The following TRPC4AP variants were observed in gnomAD, a reference collection of about 807,000 sequenced individuals.
TRPC4AP encodes short transient receptor potential channel 4-associated protein.
Under a neutral mutation model 99.0 loss-of-function variants are expected in TRPC4AP, and 45 were observed. That is an observed-to-expected ratio of 0.45 (90% confidence interval 0.36 to 0.58). TRPC4AP has a LOEUF of 0.58. TRPC4AP is among the 20% of genes least tolerant of loss of function. The pLI, the probability that TRPC4AP is intolerant of heterozygous loss-of-function variation, is 0.00. For missense variants in TRPC4AP, 879 were observed against 985.3 expected (o/e 0.89, Z 1.44); for synonymous variants, 408 against 385.8 (o/e 1.06, Z -0.67).
At chr20:35,024,854 A>AAAAAAAAAAAAAAAAATCAT in intron 8 of TRPC4AP, among the ~76,000 whole-genome samples, 1 of 89,480 alleles carries the variant, frequency 1.1e-5, no homozygotes, top group Non-Finnish European at 2.3e-5. Flanking sequence ...AAAAAAAAAA[A>AAAAAAAAAAAAAAAAATCAT]ATTCTGTTTA....
intron 13 of TRPC4AP, among the ~76,000 whole-genome samples, chr20:35,008,049 T>C (rs141019632): frequency 1.2e-4 from 19 of 152,332 alleles, no homozygotes; most frequent in Non-Finnish European, 1.6e-4. Context: ...GACGATGGGC[T>C]GGCCTAGGGA....
intron 9 of TRPC4AP, among the ~76,000 whole-genome samples, chr20:35,018,317 G>A (rs969298238): frequency 1.3e-5 from 2 of 152,108 alleles, no homozygotes; most frequent in South Asian, 2.1e-4. Context: ...CTTCTCGGCC[G>A]GGCATGGTGG....
At chr20:35,061,245 G>A (rs1161930725) in intron 3 of TRPC4AP, among the ~76,000 whole-genome samples, 1 of 152,056 alleles carries the variant, frequency 6.6e-6, no homozygotes, top group Non-Finnish European at 1.5e-5. Flanking sequence ...CCATTTAAAG[G>A]AGCATCAAAA....
At chr20:35,024,623 A>G (rs1057391002) in intron 8 of TRPC4AP, among the ~76,000 whole-genome samples, 1 of 152,036 alleles carries the variant, frequency 6.6e-6, no homozygotes, top group African/African-American at 2.4e-5. Context: ...CAGGAGTTTG[A>G]GACCAGCTTG....
At chr20:35,005,955 T>A (rs2082507778) in intron 15 of TRPC4AP, 152 bp from the exon 16 acceptor site, 4 of 640,624 alleles carry the variant, frequency 6.2e-6, no homozygotes. Flanking sequence ...CTGAGGGACC[T>A]CCCCTCACCA....
intron 11 of TRPC4AP, among the ~76,000 whole-genome samples, chr20:35,011,742 T>C (rs968604479): frequency 2.0e-5 from 3 of 152,226 alleles, no homozygotes; most frequent in African/African-American, 7.2e-5. Flanking sequence ...CAGGGGCTTC[T>C]GGCTAGAACA....
chr20:35,003,245 C>T lies in TRPC4AP; in HGVS notation c.2295G>A (p.Val765=). 1 of 1,614,222 alleles carries T rather than the reference C, an allele frequency of 6.2e-7. No individual in the cohort carries two copies. Among genetic ancestry groups the T allele is most frequent in the South Asian group, 1.1e-5 (1 of 91,092 alleles). Residue 765 remains valine (V), a synonymous_variant, in exon 19 of 19, where the codon GTG becomes GTA. Transcript: ENST00000252015. ...CISFSYWKET[V]SILLNPDRQS... Reference sequence around the variant, plus strand: ...GCCGGTCCGGGTTCAACAGGATGGACACTGTCTCCTTCCAGTATGAGAAGC... The same window carrying T: ...GCCGGTCCGGGTTCAACAGGATGGATACTGTCTCCTTCCAGTATGAGAAGC...
intron 11 of TRPC4AP, among the ~76,000 whole-genome samples, chr20:35,011,074 C>T (rs1385979406): frequency 6.6e-6 from 1 of 152,114 alleles, no homozygotes; most frequent in Non-Finnish European, 1.5e-5. Flanking sequence ...GCCTGGCCAA[C>T]GTGGCGAAAC....
At chr20:35,072,307 T>C (rs1028438283) in intron 2 of TRPC4AP, among the ~76,000 whole-genome samples, 1 of 152,246 alleles carries the variant, frequency 6.6e-6, no homozygotes, top group Non-Finnish European at 1.5e-5. Flanking sequence ...TTGCCAATTC[T>C]GGCTTTTGTT....
intron 16 of TRPC4AP, among the ~76,000 whole-genome samples, chr20:35,004,981 G>C (rs115352129): frequency 6.6e-6 from 1 of 152,186 alleles, no homozygotes; most frequent in African/African-American, 2.4e-5. Flanking sequence ...TTCCACACCA[G>C]CTCTCAGGTG....
At chr20:35,075,845 A>C (rs369976764) in intron 2 of TRPC4AP, among the ~76,000 whole-genome samples, 3 of 152,156 alleles carry the variant, frequency 2.0e-5, no homozygotes, top group Non-Finnish European at 4.4e-5. Context: ...TAATATCCTG[A>C]AGAGTGTTTT....
chr20:35,062,050 C>T (rs2084021427), intron 3 of TRPC4AP, among the ~76,000 whole-genome samples: 1 of 152,094 alleles, frequency 6.6e-6, no homozygotes, highest in South Asian at 2.1e-4. Context: ...CAATAATAAA[C>T]AGATGATCAA....
chr20:35,070,855 T>C (rs74543591), intron 2 of TRPC4AP, among the ~76,000 whole-genome samples: 12,514 of 152,152 alleles, frequency 0.082, 596 homozygotes, highest in South Asian at 0.13. Context: ...TTTGTTCATA[T>C]GGAACAAAGC....
intron 4 of TRPC4AP, among the ~76,000 whole-genome samples, chr20:35,056,656 A>G (rs2083833565): frequency 6.6e-6 from 1 of 152,120 alleles, no homozygotes; most frequent in African/African-American, 2.4e-5. Context: ...TTTTAACACC[A>G]GAGTAAAGTG....
At chr20:35,054,872 T>G in intron 5 of TRPC4AP, 104 bp downstream of exon 5, 1 of 1,013,296 alleles carries the variant, frequency 9.9e-7, no homozygotes, top group Non-Finnish European at 1.5e-6. Flanking sequence ...CCCCACTGTC[T>G]GAAAGCAGCT....
chr20:35,046,192 A>G (rs1361265775), intron 6 of TRPC4AP, among the ~76,000 whole-genome samples: 1 of 152,220 alleles, frequency 6.6e-6, no homozygotes, highest in East Asian at 1.9e-4. Flanking sequence ...TATAAGTTAA[A>G]TTTTAATAAA....
At chr20:35,048,213 T>G (rs1374797630) in intron 6 of TRPC4AP, among the ~76,000 whole-genome samples, 1 of 11,348 alleles carries the variant, frequency 8.8e-5, no homozygotes, top group African/African-American at 2.3e-4. Context: ...AAGAATTCTG[T>G]TTTTTTTTTT....
chr20:35,018,790 G>A (rs533948054), intron 9 of TRPC4AP, among the ~76,000 whole-genome samples: 186 of 152,160 alleles, frequency 1.2e-3, no homozygotes, highest in Non-Finnish European at 4.4e-5. Context: ...AGGAGGCAGC[G>A]GGTACAGGCT....
At chr20:35,077,838 A>G (rs546920139) in intron 2 of TRPC4AP, among the ~76,000 whole-genome samples, 3 of 152,284 alleles carry the variant, frequency 2.0e-5, no homozygotes, top group African/African-American at 7.2e-5. Flanking sequence ...AACACAGGGA[A>G]CCTAATGGTG....
Sources: gnomAD v4.1 joint callset for allele counts (sites outside exome capture counted in the v4.1 genomes callset) on GRCh38, gnomAD v4.1.1 for gene constraint, MANE v1.5 for transcripts, NCBI Gene and HGNC (gene_info 2026-07-23, HGNC 2026-07-21) for gene names.